Variants in AUTS2 observed in about 807,000 individuals in gnomAD.
The protein encoded by AUTS2 is activator of transcription and developmental regulator AUTS2, also known as autism susceptibility gene 2 protein.
A neutral mutation model predicts 112.4 loss-of-function variants in AUTS2; 17 were observed. That is an observed-to-expected ratio of 0.15 (90% confidence interval 0.10 to 0.23). The LOEUF (loss-of-function observed/expected upper bound fraction) is 0.23. AUTS2 is among the 10% of genes least tolerant of loss of function. The pLI is 1.00. For missense variants in AUTS2, 1,510 were observed against 1,701.6 expected (o/e 0.89, Z 1.98); for synonymous variants, 751 against 702.7 (o/e 1.07, Z -1.09).
At chr7:70,706,224 T>C (rs1809729777) in intron 6 of AUTS2, among the ~76,000 whole-genome samples, 1 of 152,210 alleles carries the variant, frequency 6.6e-6, no homozygotes, top group South Asian at 2.1e-4. Context: ...TTCTTTGTTT[T>C]TATTCTGGGA....
intron 4 of AUTS2, among the ~76,000 whole-genome samples, chr7:70,261,848 A>G (rs1222369522): frequency 1.3e-5 from 2 of 152,216 alleles, no homozygotes; most frequent in African/African-American, 2.4e-5. Context: ...CTCTTTGATC[A>G]TGAATGTCTA....
chr7:69,631,962 A>C (rs1403154867), intron 1 of AUTS2, among the ~76,000 whole-genome samples: 1 of 152,144 alleles, frequency 6.6e-6, no homozygotes, highest in Non-Finnish European at 1.5e-5. Flanking sequence ...CATTGAATTC[A>C]TGTTTCAATG....
intron 1 of AUTS2, among the ~76,000 whole-genome samples, chr7:69,712,375 T>C (rs936110627): frequency 1.3e-5 from 2 of 152,214 alleles, no homozygotes; most frequent in African/African-American, 4.8e-5. Context: ...TACTTACTTC[T>C]ACTTCTCTTC....
chr7:70,018,457 A>G (rs1800130071), intron 2 of AUTS2, among the ~76,000 whole-genome samples: 1 of 152,212 alleles, frequency 6.6e-6, no homozygotes, highest in Non-Finnish European at 1.5e-5. Flanking sequence ...AGAAACCAAG[A>G]GTAGTTAGGT....
At chr7:70,605,552 T>G (rs1803707000) in intron 5 of AUTS2, among the ~76,000 whole-genome samples, 1 of 144,718 alleles carries the variant, frequency 6.9e-6, no homozygotes, top group Non-Finnish European at 1.5e-5. Flanking sequence ...TTCTCTTTTT[T>G]TTTTTTTTTT....
intron 5 of AUTS2, among the ~76,000 whole-genome samples, chr7:70,496,779 T>A (rs1466647569): frequency 8.5e-4 from 15 of 17,698 alleles, no homozygotes; most frequent in Admixed American, 1.2e-3. Context: ...ACGTACACAG[T>A]CAGACACACA....
At position 70,290,489 on chromosome 7, in the gene AUTS2, A is replaced by G. The variant is rs142643070; in HGVS notation, c.661-145263A>G. Reference sequence around the variant, plus strand: ...AGGGAGAGTTTCTTTTCTCTCGTCAAATTGCTTAAAGGATTCTAGTTCCGT... The same window carrying G: ...AGGGAGAGTTTCTTTTCTCTCGTCAGATTGCTTAAAGGATTCTAGTTCCGT... On this transcript the variant is annotated intron_variant, in intron 4 of 18. Transcript: ENST00000342771. 243 of 1,541,252 alleles carry G rather than the reference A, an allele frequency of 1.6e-4. No individual in the cohort carries two copies. The East Asian group carries it at 6.0e-3, about 38-fold the overall frequency.
chr7:70,224,385 A>G (rs370762715), intron 4 of AUTS2, among the ~76,000 whole-genome samples: 1 of 141,848 alleles, frequency 7.0e-6, no homozygotes, highest in African/African-American at 2.9e-5. Flanking sequence ...AATACAATAC[A>G]ATACAATACA....
intron 1 of AUTS2, among the ~76,000 whole-genome samples, chr7:69,672,891 A>G (rs1432817058): frequency 6.6e-6 from 1 of 152,134 alleles, no homozygotes; most frequent in East Asian, 1.9e-4. Flanking sequence ...GCCAGTTGTG[A>G]TTTTTGGGCT....
chr7:70,632,586 T>C (rs1002684163), intron 5 of AUTS2, among the ~76,000 whole-genome samples: 1 of 151,978 alleles, frequency 6.6e-6, no homozygotes, highest in Non-Finnish European at 1.5e-5. Context: ...TCTAACTCCC[T>C]GCTGCCACTC....
intron 5 of AUTS2, among the ~76,000 whole-genome samples, chr7:70,544,211 G>A (rs1800675662): frequency 2.0e-5 from 3 of 152,162 alleles, no homozygotes; most frequent in Admixed American, 6.5e-5. Flanking sequence ...CCTTTCTTCC[G>A]GGTGCCAGGA....
intron 6 of AUTS2, among the ~76,000 whole-genome samples, chr7:70,724,790 C>T (rs1786929353): frequency 6.6e-6 from 1 of 152,206 alleles, no homozygotes; most frequent in South Asian, 2.1e-4. Flanking sequence ...TGGTAGCATA[C>T]TGCTAAAACT....
chr7:70,333,677 A>G (rs1790861508), intron 4 of AUTS2, among the ~76,000 whole-genome samples: 1 of 152,146 alleles, frequency 6.6e-6, no homozygotes. Flanking sequence ...TGAAGCTGGA[A>G]ACCATCATTC....
chr7:70,229,367 T>C (rs1811929353), intron 4 of AUTS2, among the ~76,000 whole-genome samples: 1 of 152,148 alleles, frequency 6.6e-6, no homozygotes. Context: ...ATTTGTTTCT[T>C]TGAGCACTTG....
intron 4 of AUTS2, among the ~76,000 whole-genome samples, chr7:70,192,205 A>T (rs1400257235): frequency 2.6e-5 from 4 of 152,184 alleles, no homozygotes; most frequent in Admixed American, 2.6e-4. Context: ...AATTTATAGT[A>T]GGTGCTAAAA....
At chr7:70,290,252 C>A (rs1788647604) in intron 4 of AUTS2, 1 of 1,114,104 alleles carries the variant, frequency 9.0e-7, no homozygotes, top group Non-Finnish European at 1.2e-6. Context: ...GAAATAATTT[C>A]CCAATTTTAT....
intron 6 of AUTS2, 30 bp downstream of exon 6, chr7:70,698,650 G>A: frequency 6.5e-7 from 1 of 1,546,756 alleles, no homozygotes; most frequent in East Asian, 2.3e-5. Flanking sequence ...CTGAGTAATG[G>A]CTTATTTTTA....
chr7:70,114,776 G>A (rs977348598), intron 2 of AUTS2, among the ~76,000 whole-genome samples: 2 of 151,890 alleles, frequency 1.3e-5, no homozygotes, highest in Non-Finnish European at 2.9e-5. Flanking sequence ...ACTCCAGCCT[G>A]GGCAACAAGA....
chr7:70,584,841 T>C (rs984724097), intron 5 of AUTS2, among the ~76,000 whole-genome samples: 1 of 152,264 alleles, frequency 6.6e-6, no homozygotes, highest in African/African-American at 2.4e-5. Flanking sequence ...AGTGTTTCTC[T>C]GGCTCTGTCT....
Sources: gnomAD v4.1 joint callset for allele counts (sites outside exome capture counted in the v4.1 genomes callset) on GRCh38, gnomAD v4.1.1 for gene constraint, MANE v1.5 for transcripts, NCBI Gene and HGNC (gene_info 2026-07-23, HGNC 2026-07-21) for gene names.